Variants in RLN2 observed in about 807,000 individuals in gnomAD.
RLN2 encodes the protein prorelaxin H2.
Under a neutral mutation model 7.3 loss-of-function variants are expected in RLN2, and 10 were observed. The ratio of observed to expected loss-of-function variants is 1.36; its 90% CI spans 0.84 to 2.31. The LOEUF (loss-of-function observed/expected upper bound fraction) is 2.31, where lower values mean the gene tolerates loss of function less well. RLN2 is among the 30% of genes most tolerant of loss of function. RLN2 has a pLI of 0.00. For synonymous variants in RLN2, 103 were observed against 82.3 expected (o/e 1.25, Z -1.36); for missense variants, 298 against 217.6 (o/e 1.37, Z -2.32).
chr9:5,326,422 G>C, the RLN2 span, among the ~76,000 whole-genome samples: 1 of 152,188 alleles, frequency 6.6e-6, no homozygotes, highest in South Asian at 2.1e-4. Flanking sequence ...ACTGCCATAG[G>C]CAGACCACAT....
intron 1 of RLN2, among the ~76,000 whole-genome samples, chr9:5,300,897 G>A (rs984977411): frequency 2.2e-4 from 33 of 152,132 alleles, no homozygotes; most frequent in African/African-American, 8.0e-4. Flanking sequence ...ATTACTTTAA[G>A]CTATTGAATA....
chr9:5,325,515 A>G, the RLN2 span, among the ~76,000 whole-genome samples: 1 of 152,186 alleles, frequency 6.6e-6, no homozygotes, highest in African/African-American at 2.4e-5. Context: ...AAGATTGTTA[A>G]CCTCTAGCAC....
chr9:5,336,058 A>C, the RLN2 span, among the ~76,000 whole-genome samples: 1 of 151,900 alleles, frequency 6.6e-6, no homozygotes, highest in Admixed American at 6.6e-5. Context: ...ATTTTAAGCT[A>C]CTCAATGTTT....
chr9:5,326,563 G>A, the RLN2 span, among the ~76,000 whole-genome samples: 19 of 152,180 alleles, frequency 1.2e-4, no homozygotes, highest in African/African-American at 4.6e-4. Flanking sequence ...ATAGGGCAGT[G>A]ATGGACAAGG....
Position 5,300,369 on chromosome 9 carries a change from T to G in RLN2, c.287A>C (p.Gln96Pro). The G allele has an allele frequency of 6.2e-7, 1 of 1,613,942 alleles. No individual in the cohort carries two copies. Among genetic ancestry groups the G allele is most frequent in the South Asian group, 1.1e-5 (1 of 90,994 alleles). The change falls in exon 2 of 2, where the codon CAG becomes CCG. Residue 96 changes from glutamine to proline, a missense_variant. Transcript: ENST00000381627. Reference protein sequence around the residue: ...MMSEFVANLPQELKLTLSEMQ... With the variant: ...MMSEFVANLPPELKLTLSEMQ... ...CTCAGACAGGGTTAACTTCAGCTCCTGTGGCAAATTAGCAACAAATTCTGA... is the reference window on the plus strand; with the variant it reads ...CTCAGACAGGGTTAACTTCAGCTCCGGTGGCAAATTAGCAACAAATTCTGA...
At chr9:5,333,124 G>A in the RLN2 span, among the ~76,000 whole-genome samples, 1 of 151,936 alleles carries the variant, frequency 6.6e-6, no homozygotes, top group Non-Finnish European at 1.5e-5. Flanking sequence ...ATGAAGGGGA[G>A]GACTACAAAA....
At chr9:5,328,603 T>G in the RLN2 span, among the ~76,000 whole-genome samples, 1 of 151,684 alleles carries the variant, frequency 6.6e-6, no homozygotes, top group Non-Finnish European at 1.5e-5. Flanking sequence ...CCAAGACACA[T>G]AATTGTCAGA....
upstream of RLN2, among the ~76,000 whole-genome samples, chr9:5,308,334 C>G (rs1260607300): frequency 6.6e-6 from 1 of 151,856 alleles, no homozygotes; most frequent in East Asian, 1.9e-4. Context: ...TACTTCTACT[C>G]AAGTAATAGC....
At position 5,304,577 on chromosome 9, in the gene RLN2, G is replaced by A. The variant is rs1816205955; in HGVS notation, c.4C>T (p.Pro2Ser). Residue 2 changes from proline (P) to serine (S), a missense_variant, in exon 1 of 2, where the codon CCT becomes TCT. Coordinates refer to ENST00000381627, the MANE Select transcript of RLN2 (RefSeq NM_134441.3). The part of the protein sequence containing the change: M[P>S]RLFFFHLLGV... ...AGCAGGTGGAAAAAAAACAGGCGAG[G>A]CATCCTGGGCCTGGTCTCTCCTGGA... is the stretch of plus-strand genomic sequence containing the variant. 6.2e-7 allele frequency: 1 copy of A among 1,613,710 alleles called. No homozygotes were observed. The highest frequency in any genetic ancestry group is 8.5e-7 in the Non-Finnish European group (1 of 1,179,798).
rs544920492 is a variant in RLN2 at position 5,302,108 on chromosome 9, G to C, written c.212-1664C>G. Among the ~76,000 whole-genome samples, 5 of 152,226 alleles carry C rather than the reference G, an allele frequency of 3.3e-5. No homozygotes were observed. In the South Asian group the frequency reaches 1.0e-3, roughly 32 times the overall value. On this transcript the variant is annotated intron_variant, in intron 1 of 1. Transcript: ENST00000381627. The stretch of plus-strand genomic sequence containing the variant: ...TACTTAAAGCCAGTTAAATGAGTCA[G>C]CCAAAACAGTTATAGTTTGTATTAG...
chr9:5,335,460 G>A, the RLN2 span: 1 of 1,613,462 alleles, frequency 6.2e-7, no homozygotes, highest in South Asian at 1.1e-5. Flanking sequence ...TTTAATGCAG[G>A]TACATACTGC....
At chr9:5,323,279 GT>G in the RLN2 span, among the ~76,000 whole-genome samples, 2 of 151,796 alleles carry the variant, frequency 1.3e-5, no homozygotes, top group South Asian at 2.1e-4. Context: ...GTAATTAAAT[GT>G]TTTTTTCTCC....
the RLN2 span, among the ~76,000 whole-genome samples, chr9:5,332,272 G>A: frequency 4.6e-5 from 7 of 151,902 alleles, no homozygotes; most frequent in Non-Finnish European, 8.8e-5. Flanking sequence ...GAAGTAGACT[G>A]GCTTTCATTT....
the RLN2 span, among the ~76,000 whole-genome samples, chr9:5,312,146 C>T: frequency 6.6e-6 from 1 of 152,024 alleles, no homozygotes; most frequent in Non-Finnish European, 1.5e-5. Flanking sequence ...TTTTGAGAGA[C>T]TTCCTCTTGG....
chr9:5,312,159 C>G, the RLN2 span, among the ~76,000 whole-genome samples: 1 of 151,942 alleles, frequency 6.6e-6, no homozygotes, highest in Non-Finnish European at 1.5e-5. Flanking sequence ...CCTCTTGGCT[C>G]CCAAGAGGAG....
chr9:5,301,249 C>A (rs1367343727), intron 1 of RLN2, among the ~76,000 whole-genome samples: 1 of 152,202 alleles, frequency 6.6e-6, no homozygotes, highest in African/African-American at 2.4e-5. Flanking sequence ...CCTGTTCTTA[C>A]ACAGCATCCC....
the RLN2 span, among the ~76,000 whole-genome samples, chr9:5,317,645 TTACAAA>T: frequency 5.9e-5 from 9 of 151,832 alleles, no homozygotes; most frequent in Non-Finnish European, 1.0e-4. Context: ...GCCACATCTA[TTACAAA>T]TACAAACAAT....
chr9:5,314,775 A>G, the RLN2 span, among the ~76,000 whole-genome samples: 1 of 151,878 alleles, frequency 6.6e-6, no homozygotes. Flanking sequence ...TGCTGCTGTC[A>G]CACCTGGCTT....
At chr9:5,324,680 T>C in the RLN2 span, among the ~76,000 whole-genome samples, 1 of 151,996 alleles carries the variant, frequency 6.6e-6, no homozygotes, top group Non-Finnish European at 1.5e-5. Context: ...CTGAGTAAAA[T>C]AATTTGAACC....
Sources: gnomAD v4.1 joint callset for allele counts (sites outside exome capture counted in the v4.1 genomes callset) on GRCh38, gnomAD v4.1.1 for gene constraint, MANE v1.5 for transcripts, NCBI Gene and HGNC (gene_info 2026-07-23, HGNC 2026-07-21) for gene names.